Variants in GPHN observed in about 807,000 individuals in gnomAD.
GPHN encodes gephyrin.
GPHN carries 17 observed loss-of-function variants against 95.5 expected under a neutral mutation model. That is an observed-to-expected ratio of 0.18 (90% CI 0.12 to 0.27). The LOEUF (loss-of-function observed/expected upper bound fraction) is 0.27, where lower values mean the gene tolerates loss of function less well. Ranked by LOEUF, GPHN falls within the 10% of genes least tolerant of loss-of-function variation. The pLI is 1.00. For missense variants in GPHN, 660 were observed against 978.1 expected (o/e 0.67, Z 4.34); for synonymous variants, 320 against 322.5 (o/e 0.99, Z 0.08).
intron 10 of GPHN, among the ~76,000 whole-genome samples, chr14:67,031,089 T>C (rs950922408): frequency 6.6e-6 from 1 of 152,138 alleles, no homozygotes; most frequent in Non-Finnish European, 1.5e-5. Context: ...TTGGCCCTTA[T>C]CCCTTCATTC....
chr14:66,787,533 T>G (rs1255959660), intron 3 of GPHN, among the ~76,000 whole-genome samples: 2 of 152,126 alleles, frequency 1.3e-5, no homozygotes, highest in African/African-American at 4.8e-5. Context: ...AAGACAATTT[T>G]TAAAAAGAAC....
chr14:67,481,754 G>A, the GPHN span, among the ~76,000 whole-genome samples: 8 of 152,036 alleles, frequency 5.3e-5, no homozygotes, highest in African/African-American at 1.9e-4. Context: ...CCACCCACCC[G>A]ACTCCCTATA....
chr14:66,569,385 C>T (rs971560575), intron 1 of GPHN, among the ~76,000 whole-genome samples: 9 of 152,168 alleles, frequency 5.9e-5, no homozygotes, highest in Middle Eastern at 3.4e-3. Context: ...AAAATTAGGC[C>T]GAGGCGGTGG....
At position 67,181,397 on chromosome 14, in the gene GPHN, G is replaced by A. The variant is rs1296758947; in HGVS notation, c.*460G>A. On this transcript the variant is annotated 3_prime_UTR_variant, in exon 23 of 23. Coordinates refer to ENST00000478722, the MANE Select transcript of GPHN (RefSeq NM_020806.5). ...AGAGCTTTTGCTTGTTCTTTCTCAT[G>A]TATCTCGTGTTTATGTGCACAGTGC... 1.0e-5 allele frequency: 5 copies of A among 480,780 alleles called. No individual in the cohort carries two copies. Among genetic ancestry groups the A allele is most frequent in the Admixed American group, 6.0e-5 (2 of 33,248 alleles). The allele number at this position is 480,780 out of a possible 1,614,324, so 29.8% of individuals were successfully genotyped here. A position where few individuals can be genotyped will look rare whatever the true frequency, so the allele number is the denominator to read the frequency against.
chr14:67,087,552 G>A (rs898157713), intron 11 of GPHN, among the ~76,000 whole-genome samples: 7 of 152,144 alleles, frequency 4.6e-5, no homozygotes, highest in Non-Finnish European at 8.8e-5. Flanking sequence ...AGTATCTGAA[G>A]GTAGAATCTG....
chr14:66,674,652 T>TC (rs1491203842), intron 1 of GPHN, among the ~76,000 whole-genome samples: 1 of 152,208 alleles, frequency 6.6e-6, no homozygotes, highest in African/African-American at 2.4e-5. Context: ...TCTCTCTCTC[T>TC]TTTTTATGAC....
the GPHN span, among the ~76,000 whole-genome samples, chr14:67,414,779 A>C: frequency 1.3e-5 from 2 of 152,278 alleles, no homozygotes; most frequent in African/African-American, 4.8e-5. Flanking sequence ...TATTCACAAT[A>C]AATGCCTGGA....
At chr14:67,437,346 C>T in the GPHN span, among the ~76,000 whole-genome samples, 2 of 152,058 alleles carry the variant, frequency 1.3e-5, no homozygotes, top group Non-Finnish European at 2.9e-5. Flanking sequence ...ACAGGTACAG[C>T]GATGGGAAAT....
chr14:67,043,213 A>G (rs1375253659), intron 10 of GPHN, among the ~76,000 whole-genome samples: 1 of 152,148 alleles, frequency 6.6e-6, no homozygotes, highest in Non-Finnish European at 1.5e-5. Flanking sequence ...CTATTTGAAT[A>G]TCCTTTATCG....
In GPHN at chr14:66,900,564, T is replaced by G. The variant is rs113804412; in HGVS notation, c.390-15439T>G. Among the ~76,000 whole-genome samples the G allele has an allele frequency of 1.5e-3, 232 of 151,894 alleles. 1 individual carries two copies. The highest frequency in any genetic ancestry group is 5.5e-3 in the African/African-American group (230 of 41,474). ...CCTCCCCACTACCCTTCCTGGCCCC[T>G]GGTAACAACCAATCTACTACCTATC... On this transcript the variant is annotated intron_variant, in intron 5 of 22. Coordinates refer to ENST00000478722, the MANE Select transcript of GPHN (RefSeq NM_020806.5).
rs188800102 is a variant in GPHN, at chr14:66,780,963, G to A, written c.201+4442G>A. On this transcript the variant is annotated intron_variant, in intron 3 of 22. Transcript: ENST00000478722. ...ACCATGTATAAATAAATATGCATAT[G>A]TATTTTTGTTATTAAAATAATATGA... 2.6e-5 allele frequency among the ~76,000 whole-genome samples: 4 copies of A among 152,236 alleles called. No individual in the cohort carries two copies. In the East Asian group the frequency reaches 5.8e-4, roughly 22 times the overall value.
intron 10 of GPHN, among the ~76,000 whole-genome samples, chr14:67,037,669 T>C (rs1412996663): frequency 6.6e-6 from 1 of 151,022 alleles, no homozygotes; most frequent in Non-Finnish European, 1.5e-5. Flanking sequence ...AAAGAAGATA[T>C]ACAAATGGCC....
rs748093636 is a variant in GPHN, at chr14:66,508,607, G to A, written c.64+16G>A. 3.1e-6 allele frequency: 5 copies of A among 1,606,838 alleles called. No homozygotes were observed. The highest frequency in any genetic ancestry group is 2.2e-5 in the South Asian group (2 of 90,934). ...GTCCTTACAGGTAACCGGGGGAGGA[G>A]GTCTGGGACCTATGAGGCTGCTGTC... On this transcript the variant is annotated intron_variant, in intron 1 of 22. Transcript: ENST00000478722.
At chr14:67,726,425 G>C in the GPHN span, among the ~76,000 whole-genome samples, 1 of 152,218 alleles carries the variant, frequency 6.6e-6, no homozygotes, top group Non-Finnish European at 1.5e-5. Context: ...GCAGTACAAG[G>C]CTTGCCAGGC....
At chr14:67,408,356 A>T in the GPHN span, among the ~76,000 whole-genome samples, 783 of 150,374 alleles carry the variant, frequency 5.2e-3, 15 homozygotes, top group East Asian at 0.039. Flanking sequence ...AAATAAAATA[A>T]AAAAAGAAAA....
intron 8 of GPHN, among the ~76,000 whole-genome samples, chr14:66,934,258 T>G (rs1333199488): frequency 1.3e-5 from 2 of 152,130 alleles, no homozygotes; most frequent in African/African-American, 4.8e-5. Flanking sequence ...ACTTGGTCAA[T>G]GTACTGACTG....
At position 67,008,517 on chromosome 14, in the gene GPHN, C is replaced by T. The variant is rs578032151; in HGVS notation, c.964-15116C>T. 1.1e-4 allele frequency among the ~76,000 whole-genome samples: 16 copies of T among 151,626 alleles called. No individual in the cohort carries two copies. The East Asian group carries it at 2.5e-3, about 24-fold the overall frequency. ...GTGGGTCAAAATACCTGTCTTTTCT[C>T]TTACACACATCTTTTTTTAAAATTT... On this transcript the variant is annotated intron_variant, in intron 9 of 22. Coordinates refer to ENST00000478722, the MANE Select transcript of GPHN (RefSeq NM_020806.5).
the GPHN span, among the ~76,000 whole-genome samples, chr14:67,731,546 C>T: frequency 2.6e-5 from 4 of 151,892 alleles, no homozygotes; most frequent in Non-Finnish European, 4.4e-5. Flanking sequence ...ACAGTTGCTA[C>T]TCTAGAGTCT....
chr14:66,562,706 A>G (rs1227211975), intron 1 of GPHN, among the ~76,000 whole-genome samples: 1 of 152,132 alleles, frequency 6.6e-6, no homozygotes, highest in Non-Finnish European at 1.5e-5. Context: ...CGGGAAATCA[A>G]TGGAAGATAA....
Sources: gnomAD v4.1 joint callset for allele counts (sites outside exome capture counted in the v4.1 genomes callset) on GRCh38, gnomAD v4.1.1 for gene constraint, MANE v1.5 for transcripts, NCBI Gene and HGNC (gene_info 2026-07-23, HGNC 2026-07-21) for gene names.